The following SEMA3E variants were observed in gnomAD, a reference collection of about 807,000 sequenced individuals.
SEMA3E encodes the protein semaphorin 3E.
In SEMA3E, 49 loss-of-function variants were observed where a neutral mutation model predicts 93.6. The observed-to-expected ratio is 0.52, with a 90% CI of 0.42 to 0.66. The LOEUF (loss-of-function observed/expected upper bound fraction) is 0.66. Among genes scored for constraint, SEMA3E ranks in the 30% least tolerant of loss-of-function variants. The pLI, the probability that SEMA3E is intolerant of heterozygous loss-of-function variation, is 0.00. For synonymous variants in SEMA3E, 363 were observed against 330.7 expected (o/e 1.10, Z -1.06); for missense variants, 906 against 964.8 (o/e 0.94, Z 0.81).
chr7:83,543,920 G>A (rs992271871), intron 1 of SEMA3E, among the ~76,000 whole-genome samples: 5 of 152,064 alleles, frequency 3.3e-5, no homozygotes, highest in African/African-American at 7.2e-5. Context: ...TTACCTTAAC[G>A]TTTAATCTTT....
chr7:83,610,928 AT>A (rs1453682655), intron 1 of SEMA3E, among the ~76,000 whole-genome samples: 1 of 152,026 alleles, frequency 6.6e-6, no homozygotes, highest in Non-Finnish European at 1.5e-5. Context: ...TAGCAAACTG[AT>A]AAACACCTTC....
chr7:83,630,081 C>T (rs1240555219), intron 1 of SEMA3E, among the ~76,000 whole-genome samples: 1 of 152,152 alleles, frequency 6.6e-6, no homozygotes, highest in African/African-American at 2.4e-5. Context: ...AGGCAACACC[C>T]CACCCTGCTT....
Position 83,563,360 on chromosome 7 carries a change from C to T in SEMA3E, c.116-73086G>A, listed in dbSNP as rs541061277. Among the ~76,000 whole-genome samples, 35 of 152,266 alleles carry T rather than the reference C, an allele frequency of 2.3e-4. 3 individuals carry two copies. In the South Asian group the frequency reaches 6.8e-3, roughly 30 times the overall value. On this transcript the variant is annotated intron_variant, in intron 1 of 16. Transcript: ENST00000643230. ...AGCTTATTATTTTGCCATTGCTTTA[C>T]CTCTGCCACTACTGTTAGTATTATT...
At chr7:83,446,821 A>C (rs912559171) in intron 4 of SEMA3E, among the ~76,000 whole-genome samples, 5 of 150,924 alleles carry the variant, frequency 3.3e-5, no homozygotes, top group Non-Finnish European at 7.4e-5. Flanking sequence ...TCATTTGTTA[A>C]ATGAGAATAA....
At chr7:83,567,135 T>C (rs934581035) in intron 1 of SEMA3E, among the ~76,000 whole-genome samples, 2 of 152,120 alleles carry the variant, frequency 1.3e-5, no homozygotes, top group African/African-American at 4.8e-5. Context: ...TAAAGCAGAC[T>C]TTACGTCAGA....
At chr7:83,623,624 G>T (rs1373907348) in intron 1 of SEMA3E, among the ~76,000 whole-genome samples, 1 of 150,772 alleles carries the variant, frequency 6.6e-6, no homozygotes, top group East Asian at 1.9e-4. Flanking sequence ...AAAAAAAAAT[G>T]CTACTTCACA....
At chr7:83,459,920 C>T (rs2115852654) in intron 4 of SEMA3E, among the ~76,000 whole-genome samples, 1 of 152,292 alleles carries the variant, frequency 6.6e-6, no homozygotes, top group East Asian at 1.9e-4. Flanking sequence ...CTTGCGACCC[C>T]CACTCCTGCC....
chr7:83,411,524 T>G (rs2723043), intron 5 of SEMA3E, among the ~76,000 whole-genome samples: 76,905 of 151,856 alleles, frequency 0.51, 22,350 homozygotes, highest in East Asian at 0.85. Context: ...CAAAATACTT[T>G]CCTAAGAAAA....
intron 1 of SEMA3E, among the ~76,000 whole-genome samples, chr7:83,627,487 C>G (rs1273173444): frequency 1.3e-5 from 2 of 151,822 alleles, no homozygotes; most frequent in African/African-American, 4.8e-5. Flanking sequence ...GGGTGTTCCT[C>G]TATTAGGTGC....
chr7:83,536,621 C>T (rs1376444289), intron 1 of SEMA3E, among the ~76,000 whole-genome samples: 1 of 151,850 alleles, frequency 6.6e-6, no homozygotes, highest in Non-Finnish European at 1.5e-5. Flanking sequence ...TGTTAAAAAA[C>T]ACATCACAAA....
At chr7:83,647,875 G>A (rs1794099562) in intron 1 of SEMA3E, among the ~76,000 whole-genome samples, 1 of 152,078 alleles carries the variant, frequency 6.6e-6, no homozygotes, top group Non-Finnish European at 1.5e-5. Context: ...ATTTATATTA[G>A]TTGTTAATCA....
chr7:83,370,708 A>G (rs1208362603), intron 16 of SEMA3E, among the ~76,000 whole-genome samples: 1 of 152,188 alleles, frequency 6.6e-6, no homozygotes, highest in Non-Finnish European at 1.5e-5. Context: ...CACACCCTGT[A>G]AAAGTGTCCT....
At chr7:83,638,475 A>T (rs1334316296) in intron 1 of SEMA3E, among the ~76,000 whole-genome samples, 2 of 152,238 alleles carry the variant, frequency 1.3e-5, no homozygotes, top group Non-Finnish European at 2.9e-5. Flanking sequence ...GAACTCAATC[A>T]TAGCTACATC....
At chr7:83,432,445 A>T (rs923559060) in intron 4 of SEMA3E, among the ~76,000 whole-genome samples, 3 of 152,186 alleles carry the variant, frequency 2.0e-5, no homozygotes, top group Non-Finnish European at 4.4e-5. Flanking sequence ...GTTAACAGAG[A>T]TGTTCTCACA....
At chr7:83,557,745 G>A (rs1263645551) in intron 1 of SEMA3E, among the ~76,000 whole-genome samples, 1 of 152,046 alleles carries the variant, frequency 6.6e-6, no homozygotes, top group Non-Finnish European at 1.5e-5. Flanking sequence ...ACTATTATCA[G>A]CAGCTTATGT....
At chr7:83,565,962 T>G (rs910700946) in intron 1 of SEMA3E, among the ~76,000 whole-genome samples, 1 of 151,804 alleles carries the variant, frequency 6.6e-6, no homozygotes, top group African/African-American at 2.4e-5. Flanking sequence ...TGTATATAAT[T>G]TATACACTTC....
At chr7:83,423,747 G>C (rs1788716752) in intron 4 of SEMA3E, among the ~76,000 whole-genome samples, 1 of 150,812 alleles carries the variant, frequency 6.6e-6, no homozygotes, top group Admixed American at 6.6e-5. Context: ...TCCTGACCTC[G>C]TGATCCCCCT....
At chr7:83,603,721 C>A (rs956345738) in intron 1 of SEMA3E, among the ~76,000 whole-genome samples, 1 of 152,024 alleles carries the variant, frequency 6.6e-6, no homozygotes, top group Non-Finnish European at 1.5e-5. Context: ...TTCACAGAAG[C>A]AAATACATTC....
intron 2 of SEMA3E, among the ~76,000 whole-genome samples, chr7:83,480,474 G>A (rs1790122443): frequency 6.6e-6 from 1 of 152,056 alleles, no homozygotes; most frequent in Admixed American, 6.6e-5. Flanking sequence ...ATGTTTTAAA[G>A]TCACAGGGAA....
Sources: allele counts gnomAD v4.1 joint callset (sites outside exome capture counted in the v4.1 genomes callset), GRCh38; gene constraint gnomAD v4.1.1; transcripts MANE v1.5; gene names NCBI Gene and HGNC (gene_info 2026-07-23, HGNC 2026-07-21).